ABCC9: variants seen among roughly 807,000 people sequenced by gnomAD.
The protein encoded by ABCC9 is ATP binding cassette subfamily C member 9, also known as ATP-binding cassette sub-family C member 9.
ABCC9 carries 95 observed loss-of-function variants against 188.3 expected under a neutral mutation model. The observed-to-expected ratio is 0.50, with a 90% confidence interval of 0.43 to 0.60. ABCC9 has a LOEUF of 0.60. Among genes scored for constraint, ABCC9 ranks in the 20% least tolerant of loss-of-function variants. The pLI, the probability that ABCC9 is intolerant of heterozygous loss-of-function variation, is 0.00. For synonymous variants in ABCC9, 659 were observed against 652.7 expected, an observed-to-expected ratio of 1.01 and a Z score of -0.15; for missense variants, 1,102 against 1,876.3, an observed-to-expected ratio of 0.59 and a Z score of 7.62.
At chr12:21,908,619 A>G (rs1448345014) in intron 10 of ABCC9, among the ~76,000 whole-genome samples, 32 of 151,800 alleles carry the variant, frequency 2.1e-4, no homozygotes, top group Admixed American at 2.1e-3. Flanking sequence ...ATTCTCTTGG[A>G]ATTGTACTAG....
chr12:21,895,219 A>G (rs1473530828), intron 13 of ABCC9, 56 bp downstream of exon 13: 2 of 1,488,078 alleles, frequency 1.3e-6, no homozygotes, highest in Non-Finnish European at 1.9e-6. Flanking sequence ...TTGCTCATAA[A>G]TCATTTATAA....
intron 4 of ABCC9, among the ~76,000 whole-genome samples, chr12:21,929,424 A>C (rs1949184804): frequency 6.6e-6 from 1 of 152,090 alleles, no homozygotes; most frequent in African/African-American, 2.4e-5. Flanking sequence ...ATGCAGAACA[A>C]AGGATGTTCC....
chr12:21,828,428 A>T (rs1192226167), intron 31 of ABCC9: 3 of 188,852 alleles, frequency 1.6e-5, no homozygotes, highest in Non-Finnish European at 2.2e-5. Flanking sequence ...TTTACAGATG[A>T]GGAACTGGGA....
Position 21,905,423 on chromosome 12 carries a change from A to G in ABCC9, c.1618+703T>C, listed in dbSNP as rs150191890. Among the ~76,000 whole-genome samples the G allele has an allele frequency of 4.1e-3, 620 of 152,220 alleles. 5 individuals carry two copies. The highest frequency in any genetic ancestry group is 0.013 in the African/African-American group (559 of 41,530). On this transcript the variant is annotated intron_variant, in intron 12 of 39. Transcript: ENST00000261200. ...GAACTTAAAGTATAATTAAAAAAAA[A>G]AAGAATGCTATGATTTCTAGGATTT...
chr12:21,927,968 C>A (rs575022804), intron 4 of ABCC9, among the ~76,000 whole-genome samples: 96 of 152,088 alleles, frequency 6.3e-4, no homozygotes, highest in African/African-American at 2.3e-3. Flanking sequence ...GCTTGCAATC[C>A]CTGCATTTAG....
chr12:21,865,221 A>T (rs1945722843), intron 18 of ABCC9, among the ~76,000 whole-genome samples: 1 of 152,088 alleles, frequency 6.6e-6, no homozygotes, highest in South Asian at 2.1e-4. Flanking sequence ...AAACTCCAAA[A>T]ATTGATTCTA....
Position 21,805,250 on chromosome 12 carries a change from A to T in ABCC9, c.4512+748T>A, listed in dbSNP as rs1941753268. 3 of 1,613,664 alleles carry T rather than the reference A, an allele frequency of 1.9e-6. No individual in the cohort carries two copies. The highest frequency in any genetic ancestry group is 2.5e-6 in the Non-Finnish European group (3 of 1,179,614). ...CAAATTTGGGACAGTATCACACTCC[A>T]CTAAAATACCCTCAGAAAAGACTAA... On this transcript the variant is annotated intron_variant, in intron 39 of 39. Transcript: ENST00000261200.
chr12:21,827,123 T>C (rs1943427683), intron 31 of ABCC9: 1 of 985,430 alleles, frequency 1.0e-6, no homozygotes, highest in Non-Finnish European at 1.2e-6. Flanking sequence ...GGTTAAAGTA[T>C]TGGGTTATGA....
intron 30 of ABCC9, among the ~76,000 whole-genome samples, chr12:21,837,129 T>C (rs1156853519): frequency 6.6e-6 from 1 of 152,210 alleles, no homozygotes; most frequent in Admixed American, 6.5e-5. Flanking sequence ...CCAGTGATCA[T>C]TGGTGGTTGT....
intron 22 of ABCC9, among the ~76,000 whole-genome samples, chr12:21,856,193 T>C (rs532307322): frequency 6.6e-6 from 1 of 152,304 alleles, no homozygotes; most frequent in Non-Finnish European, 1.5e-5. Flanking sequence ...TTCTACAACT[T>C]ACTAAAAATT....
chr12:21,936,600 A>G lies in ABCC9; in HGVS notation c.75T>C (p.Phe25=), dbSNP rs201972673. 278 of 1,613,006 alleles carry G rather than the reference A, an allele frequency of 1.7e-4. 1 individual carries two copies. Among genetic ancestry groups the G allele is most frequent in the Admixed American group, 1.4e-3 (82 of 59,980 alleles). The change falls in exon 3 of 40, where the codon TTT becomes TTC. Residue 25 remains phenylalanine, a synonymous_variant. Transcript: ENST00000261200. ...GAGGGACCAGGTTGAGGGCATCCAC[A>G]AAGCAGGAATTTTGTAGTACACCAT... is the stretch of plus-strand genomic sequence containing the variant. The part of the protein sequence containing the change: ...INDGVLQNSC[F]VDALNLVPHV...
intron 36 of ABCC9, among the ~76,000 whole-genome samples, chr12:21,811,135 G>C (rs1942208219): frequency 6.6e-6 from 1 of 152,108 alleles, no homozygotes; most frequent in Non-Finnish European, 1.5e-5. Context: ...TAGAGAGTGA[G>C]TTTTTATGAG....
chr12:21,877,787 C>A (rs1946434872), intron 16 of ABCC9, among the ~76,000 whole-genome samples: 1 of 152,058 alleles, frequency 6.6e-6, no homozygotes, highest in African/African-American at 2.4e-5. Context: ...TGCTAAGAGA[C>A]ATGTAAAAGG....
At chr12:21,901,307 A>G (rs941110412) in intron 12 of ABCC9, among the ~76,000 whole-genome samples, 1 of 152,166 alleles carries the variant, frequency 6.6e-6, no homozygotes, top group Non-Finnish European at 1.5e-5. Flanking sequence ...GAAGGAAGCA[A>G]TAAACATGGA....
intron 14 of ABCC9, among the ~76,000 whole-genome samples, chr12:21,892,456 G>A (rs947561057): frequency 1.3e-5 from 2 of 152,174 alleles, no homozygotes; most frequent in African/African-American, 4.8e-5. Context: ...CAAAATAGCA[G>A]ACTCTGGCCA....
intron 30 of ABCC9, among the ~76,000 whole-genome samples, chr12:21,831,759 G>A (rs556746200): frequency 6.6e-6 from 1 of 152,302 alleles, no homozygotes; most frequent in Non-Finnish European, 1.5e-5. Flanking sequence ...GCACAGAAAT[G>A]AGAAAGCGCC....
chr12:21,877,493 A>T (rs1592131864), intron 16 of ABCC9, among the ~76,000 whole-genome samples: 2 of 152,310 alleles, frequency 1.3e-5, no homozygotes, highest in East Asian at 3.9e-4. Flanking sequence ...GGCTGTCATT[A>T]TGGTTAAATG....
chr12:21,833,919 G>T (rs916293069), intron 30 of ABCC9, among the ~76,000 whole-genome samples: 1 of 151,992 alleles, frequency 6.6e-6, no homozygotes, highest in Non-Finnish European at 1.5e-5. Flanking sequence ...AAATGAAAAC[G>T]CAATAGTAAA....
At chr12:21,852,307 A>G in intron 23 of ABCC9, 61 bp downstream of exon 23, 3 of 1,612,666 alleles carry the variant, frequency 1.9e-6, no homozygotes, top group Non-Finnish European at 2.5e-6. Context: ...AGCATTTTTT[A>G]CTGTCTCTAT....
Sources: gnomAD v4.1 joint callset for allele counts (sites outside exome capture counted in the v4.1 genomes callset) on GRCh38, gnomAD v4.1.1 for gene constraint, MANE v1.5 for transcripts, NCBI Gene and HGNC (gene_info 2026-07-23, HGNC 2026-07-21) for gene names.